The following MMP16 variants were observed in gnomAD, a reference collection of about 807,000 sequenced individuals.
The protein encoded by MMP16 is matrix metallopeptidase 16.
In MMP16, 12 loss-of-function variants were observed where a neutral mutation model predicts 67.8. That is an observed-to-expected ratio of 0.18 (90% CI 0.11 to 0.29). The LOEUF (loss-of-function observed/expected upper bound fraction) is 0.29. Ranked by LOEUF, MMP16 falls within the 10% of genes least tolerant of loss-of-function variation. The pLI is 1.00. For missense variants in MMP16, 475 were observed against 765.7 expected, an observed-to-expected ratio of 0.62 and a Z score of 4.48; for synonymous variants, 249 against 255.9, an observed-to-expected ratio of 0.97 and a Z score of 0.26.
chr8:88,227,665 T>C (rs939611344), intron 1 of MMP16, among the ~76,000 whole-genome samples: 3 of 152,056 alleles, frequency 2.0e-5, no homozygotes, highest in Non-Finnish European at 4.4e-5. Context: ...CAGGGCTCTC[T>C]GTTTGTTCTT....
intron 1 of MMP16, among the ~76,000 whole-genome samples, chr8:88,293,094 C>T (rs1198549152): frequency 6.6e-6 from 1 of 152,142 alleles, no homozygotes; most frequent in Non-Finnish European, 1.5e-5. Context: ...GTAAATGACA[C>T]ACCACAATTA....
At chr8:88,125,533 C>A (rs557721499) in intron 4 of MMP16, among the ~76,000 whole-genome samples, 2 of 151,952 alleles carry the variant, frequency 1.3e-5, no homozygotes, top group African/African-American at 4.8e-5. Flanking sequence ...ATTAAAACAA[C>A]CTACGTATAC....
At chr8:88,314,783 C>T (rs183741204) in intron 1 of MMP16, among the ~76,000 whole-genome samples, 107 of 152,280 alleles carry the variant, frequency 7.0e-4, no homozygotes, top group African/African-American at 2.4e-3. Context: ...CAGGAAGACA[C>T]AGATCAGTTC....
chr8:88,209,569 T>A (rs1458165285), intron 1 of MMP16, among the ~76,000 whole-genome samples: 2 of 138,176 alleles, frequency 1.4e-5, no homozygotes, highest in East Asian at 2.2e-4. Flanking sequence ...GTGTCCCTAA[T>A]CCCTGAATTG....
chr8:88,276,933 T>C (rs1479070952), intron 1 of MMP16, among the ~76,000 whole-genome samples: 1 of 152,140 alleles, frequency 6.6e-6, no homozygotes, highest in East Asian at 1.9e-4. Context: ...TCAATAATAA[T>C]ACACTAAACT....
At chr8:88,311,239 C>T (rs190719471) in intron 1 of MMP16, among the ~76,000 whole-genome samples, 14 of 152,096 alleles carry the variant, frequency 9.2e-5, no homozygotes, top group Admixed American at 2.0e-4. Context: ...AAAGACTCTA[C>T]GGTGGATTTT....
chr8:88,100,913 T>G, intron 6 of MMP16, among the ~76,000 whole-genome samples: 1 of 141,058 alleles, frequency 7.1e-6, no homozygotes, highest in African/African-American at 2.7e-5. Flanking sequence ...CACTCATAGG[T>G]GGGAATTGAA....
In MMP16 at chr8:88,228,724, T is replaced by C. The variant is rs975828254; in HGVS notation, c.133-31418A>G. ...AGACCAATATTTATAATGCACCCCT[T>C]TGCTCACAAATACAGCCTGAAATAG... On this transcript the variant is annotated intron_variant, in intron 1 of 9. Transcript: ENST00000286614. Among the ~76,000 whole-genome samples the C allele has an allele frequency of 3.9e-5, 6 of 152,118 alleles. No individual in the cohort carries two copies. The South Asian group carries it at 1.2e-3, about 32-fold the overall frequency.
At chr8:88,094,996 T>C (rs1164485135) in intron 6 of MMP16, among the ~76,000 whole-genome samples, 1 of 151,858 alleles carries the variant, frequency 6.6e-6, no homozygotes, top group Non-Finnish European at 1.5e-5. Flanking sequence ...TTCCATATTA[T>C]TAATGCATAT....
At chr8:88,316,205 C>A (rs1007874528) in intron 1 of MMP16, among the ~76,000 whole-genome samples, 1 of 152,128 alleles carries the variant, frequency 6.6e-6, no homozygotes, top group African/African-American at 2.4e-5. Context: ...GAAACTGCAG[C>A]AAGTTATCCA....
At chr8:88,227,254 T>G (rs1294657489) in intron 1 of MMP16, among the ~76,000 whole-genome samples, 1 of 152,030 alleles carries the variant, frequency 6.6e-6, no homozygotes, top group African/African-American at 2.4e-5. Flanking sequence ...GCAAAATTAA[T>G]TTTAGGAGAT....
intron 6 of MMP16, among the ~76,000 whole-genome samples, chr8:88,076,883 A>G (rs562506567): frequency 6.6e-6 from 1 of 152,254 alleles, no homozygotes; most frequent in East Asian, 1.9e-4. Context: ...GAAGAATGGG[A>G]GGAAATCTGG....
At chr8:88,312,010 A>T (rs1341329268) in intron 1 of MMP16, among the ~76,000 whole-genome samples, 1 of 152,190 alleles carries the variant, frequency 6.6e-6, no homozygotes, top group African/African-American at 2.4e-5. Flanking sequence ...TTTGGTGCCC[A>T]CTCTTAACTT....
At chr8:88,086,068 CA>C (rs1193725999) in intron 6 of MMP16, among the ~76,000 whole-genome samples, 1 of 151,570 alleles carries the variant, frequency 6.6e-6, no homozygotes, top group Admixed American at 6.6e-5. Context: ...GTTGCTACAC[CA>C]AAAATGTAGT....
chr8:88,197,276 G>C lies in MMP16; in HGVS notation c.163C>G (p.Pro55Ala), dbSNP rs371768034. The change falls in exon 2 of 10, where the codon CCG (proline) becomes GCG (alanine). Residue 55 changes from proline (P) to alanine (A), a missense_variant. Physicochemically the swap from Pro to Ala is conservative, Grantham distance 27. Transcript: ENST00000286614. The part of the protein sequence containing the change: ...VWLQKYGYLP[P>A]TDPRMSVLRS... ...AGCACTGACATTCTGGGGTCAGTCG[G>C]TGGAAGGTAGCCGTACTTTTGTAAC... The C allele has an allele frequency of 7.1e-4, 1,117 of 1,583,130 alleles. 17 individuals are homozygous for C. The South Asian group carries it at 0.012, about 17-fold the overall frequency.
intron 6 of MMP16, among the ~76,000 whole-genome samples, chr8:88,078,066 C>T (rs998722746): frequency 6.6e-6 from 1 of 151,974 alleles, no homozygotes; most frequent in Admixed American, 6.6e-5. Context: ...TTCCCTCTCT[C>T]CCTCCCTCTT....
intron 2 of MMP16, among the ~76,000 whole-genome samples, chr8:88,195,051 CCTT>C (rs994596912): frequency 6.6e-6 from 1 of 152,094 alleles, no homozygotes; most frequent in African/African-American, 2.4e-5. Context: ...AGGCCTGTGT[CCTT>C]CTCTATTCCT....
intron 1 of MMP16, among the ~76,000 whole-genome samples, chr8:88,267,854 C>G (rs1463707316): frequency 1.3e-5 from 2 of 152,096 alleles, no homozygotes; most frequent in African/African-American, 4.8e-5. Flanking sequence ...TAACTGGTCC[C>G]AAAATTGACA....
intron 4 of MMP16, among the ~76,000 whole-genome samples, chr8:88,151,762 G>A (rs1015045425): frequency 6.6e-6 from 1 of 151,424 alleles, no homozygotes; most frequent in African/African-American, 2.4e-5. Context: ...GAGAAAGCAG[G>A]AAAGATCCAA....
Sources: allele counts gnomAD v4.1 joint callset (sites outside exome capture counted in the v4.1 genomes callset), GRCh38; gene constraint gnomAD v4.1.1; transcripts MANE v1.5; gene names NCBI Gene and HGNC (gene_info 2026-07-23, HGNC 2026-07-21).